MAGI1: variants seen among roughly 807,000 people sequenced by gnomAD.
MAGI1 encodes the protein membrane associated guanylate kinase, WW and PDZ domain containing 1, also known as membrane-associated guanylate kinase, WW and PDZ domain-containing protein 1.
A neutral mutation model predicts 139.9 loss-of-function variants in MAGI1; 58 were observed. The observed-to-expected ratio is 0.41, with a 90% confidence interval of 0.34 to 0.52. The LOEUF is 0.52. Ranked by LOEUF, MAGI1 falls within the 20% of genes least tolerant of loss-of-function variation. The pLI is 0.12. For synonymous variants in MAGI1, 812 were observed against 737.9 expected (o/e 1.10, Z -1.63); for missense variants, 1,874 against 1,901.6 (o/e 0.99, Z 0.27).
intron 5 of MAGI1, among the ~76,000 whole-genome samples, chr3:65,463,558 A>ATGTGTGTGTGTGTGTGTGTGTGTG (rs56135171): frequency 5.0e-5 from 7 of 140,838 alleles, no homozygotes; most frequent in African/African-American, 1.9e-4. Context: ...TTGGCCTGAA[A>ATGTGTGTGTGTGTGTGTGTGTGTG]TGTGTGTGTG....
At chr3:65,639,113 T>C (rs966807686) in intron 1 of MAGI1, among the ~76,000 whole-genome samples, 2 of 152,210 alleles carry the variant, frequency 1.3e-5, no homozygotes, top group African/African-American at 4.8e-5. Context: ...CTAACAGAAG[T>C]GTCTTTTCAT....
intron 1 of MAGI1, among the ~76,000 whole-genome samples, chr3:65,982,752 G>A (rs911223331): frequency 6.6e-6 from 1 of 152,022 alleles, no homozygotes; most frequent in Non-Finnish European, 1.5e-5. Flanking sequence ...GTATATCTAA[G>A]CTCAGTAGGC....
chr3:65,725,185 A>C (rs1053025309), intron 1 of MAGI1, among the ~76,000 whole-genome samples: 1 of 152,172 alleles, frequency 6.6e-6, no homozygotes, highest in African/African-American at 2.4e-5. Flanking sequence ...TAAGTCATTC[A>C]ATTGAAGTAG....
At chr3:65,608,198 T>C (rs2082851782) in intron 2 of MAGI1, among the ~76,000 whole-genome samples, 1 of 151,940 alleles carries the variant, frequency 6.6e-6, no homozygotes, top group African/African-American at 2.4e-5. Context: ...TCCCAGCACT[T>C]TGGGAGGGTG....
At chr3:65,922,434 C>A (rs933363804) in intron 1 of MAGI1, among the ~76,000 whole-genome samples, 3 of 150,810 alleles carry the variant, frequency 2.0e-5, no homozygotes, top group Non-Finnish European at 2.9e-5. Context: ...GAGACATGGA[C>A]ACACACAGAA....
intron 3 of MAGI1, among the ~76,000 whole-genome samples, chr3:65,479,292 G>A (rs1250944404): frequency 3.3e-5 from 5 of 152,210 alleles, no homozygotes; most frequent in South Asian, 4.2e-4. Context: ...TAAACCCCAC[G>A]TGGCGCCTCT....
At chr3:65,805,711 G>C (rs2040811653) in intron 1 of MAGI1, among the ~76,000 whole-genome samples, 1 of 152,156 alleles carries the variant, frequency 6.6e-6, no homozygotes, top group Admixed American at 6.5e-5. Flanking sequence ...CAATAGGCTG[G>C]ATAAAGAAAA....
intron 1 of MAGI1, among the ~76,000 whole-genome samples, chr3:65,808,669 C>A (rs1404397561): frequency 6.6e-6 from 1 of 152,298 alleles, no homozygotes; most frequent in East Asian, 1.9e-4. Flanking sequence ...GTGGGACCCA[C>A]TGCATGATGA....
intron 1 of MAGI1, among the ~76,000 whole-genome samples, chr3:65,805,275 AAAGAC>A (rs2040779546): frequency 6.6e-6 from 1 of 152,232 alleles, no homozygotes; most frequent in Admixed American, 6.5e-5. Context: ...AAAGTGGGCA[AAAGAC>A]AAGAACAGAC....
rs527956028 is a variant in MAGI1, at chr3:65,634,037, T to G, written c.314-11949A>C. Among the ~76,000 whole-genome samples, 9 of 152,310 alleles carry G rather than the reference T, an allele frequency of 5.9e-5. No homozygotes were observed. In the South Asian group the frequency reaches 1.9e-3, roughly 32 times the overall value. ...GATTAAGTACTTTCAATGAGCCAGA[T>G]AGCAATATGAAGCAATAACTTTATA... On this transcript the variant is annotated intron_variant, in intron 1 of 22. Coordinates refer to ENST00000402939, the MANE Select transcript of MAGI1 (RefSeq NM_001033057.2).
intron 1 of MAGI1, among the ~76,000 whole-genome samples, chr3:65,823,890 G>A (rs1559917306): frequency 6.6e-6 from 1 of 152,170 alleles, no homozygotes; most frequent in Non-Finnish European, 1.5e-5. Context: ...AGAGGTCATA[G>A]TGCACACTGG....
intron 4 of MAGI1, 123 bp from the exon 5 acceptor site, chr3:65,470,607 A>G (rs1950502847): frequency 3.5e-6 from 2 of 578,812 alleles, no homozygotes; most frequent in Non-Finnish European, 6.1e-6. Context: ...AAATGCTCTT[A>G]TCCTTTCCTA....
At chr3:65,677,083 T>C (rs565080893) in intron 1 of MAGI1, among the ~76,000 whole-genome samples, 1 of 152,320 alleles carries the variant, frequency 6.6e-6, no homozygotes, top group East Asian at 1.9e-4. Flanking sequence ...GAGAAAGAGA[T>C]AAACAATTCA....
chr3:65,557,103 T>C (rs1184562836), intron 2 of MAGI1, among the ~76,000 whole-genome samples: 2 of 152,200 alleles, frequency 1.3e-5, no homozygotes, highest in Non-Finnish European at 2.9e-5. Flanking sequence ...AGATGGCCAT[T>C]AATGAGCCCC....
chr3:65,939,402 C>T (rs1305866576), intron 1 of MAGI1, among the ~76,000 whole-genome samples: 1 of 152,174 alleles, frequency 6.6e-6, no homozygotes, highest in Admixed American at 6.5e-5. Context: ...AAATCAATAA[C>T]TCAATGTGAA....
Position 65,356,813 on chromosome 3 carries a change from G to A in MAGI1, c.3954C>T (p.Pro1318=), listed in dbSNP as rs368890215. 5 of 1,611,718 alleles carry A rather than the reference G, an allele frequency of 3.1e-6. No homozygotes were observed. The African/African-American group carries it at 6.7e-5, about 22-fold the overall frequency. ...QAERAAAANG[P]KRRSPEKRRE... ...TCCGCTTCTCTGGGGACCGCCTCTT[G>A]GGGCCGTTGGCGGCTGCCGCGCGCT... Residue 1318 remains proline, a synonymous_variant, in exon 23 of 23, where the codon CCC becomes CCT. Transcript: ENST00000402939.
At chr3:65,891,354 C>G (rs1227865626) in intron 1 of MAGI1, among the ~76,000 whole-genome samples, 2 of 152,040 alleles carry the variant, frequency 1.3e-5, no homozygotes, top group Non-Finnish European at 2.9e-5. Flanking sequence ...TACTGAGCAC[C>G]TATTACAAAT....
chr3:65,667,544 A>G (rs944409686), intron 1 of MAGI1, among the ~76,000 whole-genome samples: 5 of 152,180 alleles, frequency 3.3e-5, no homozygotes, highest in Non-Finnish European at 7.3e-5. Flanking sequence ...GATGAATTCT[A>G]TACTCTTAAA....
chr3:65,742,662 C>T (rs572866832), intron 1 of MAGI1, among the ~76,000 whole-genome samples: 1 of 152,332 alleles, frequency 6.6e-6, no homozygotes, highest in South Asian at 2.1e-4. Context: ...ATTCAAGACG[C>T]CACCTACAAC....
Sources: gnomAD v4.1 joint callset for allele counts (sites outside exome capture counted in the v4.1 genomes callset) on GRCh38, gnomAD v4.1.1 for gene constraint, MANE v1.5 for transcripts, NCBI Gene and HGNC (gene_info 2026-07-23, HGNC 2026-07-21) for gene names.